The following C21orf58 variants were observed in gnomAD, a reference collection of about 807,000 sequenced individuals.
The protein encoded by C21orf58 is chromosome 21 open reading frame 58.
Under a neutral mutation model 35.8 loss-of-function variants are expected in C21orf58, and 34 were observed. The ratio of observed to expected loss-of-function variants is 0.95; its 90% CI spans 0.72 to 1.26. C21orf58 has a LOEUF of 1.26. Ranked by LOEUF, C21orf58 falls within the 50% of genes most tolerant of loss-of-function variation. C21orf58 has a pLI of 0.00. For synonymous variants in C21orf58, 191 were observed against 175.8 expected, an observed-to-expected ratio of 1.09 and a Z score of -0.68; for missense variants, 440 against 414.3, an observed-to-expected ratio of 1.06 and a Z score of -0.54.
rs2146156032 is a variant in C21orf58, at chr21:46,322,858, T to G, written c.-120A>C. Reference sequence around the variant, plus strand: ...TGCAGTTGCTGAGGAGGCTGCAAGGTGAGCTTGCGTCAGCGAGGAGCCACT... The same window carrying G: ...TGCAGTTGCTGAGGAGGCTGCAAGGGGAGCTTGCGTCAGCGAGGAGCCACT... On this transcript the variant is annotated 5_prime_UTR_variant, in exon 1 of 8. Coordinates refer to ENST00000291691, the MANE Select transcript of C21orf58 (RefSeq NM_058180.5). The G allele has an allele frequency of 1.6e-6, 1 of 644,104 alleles. No individual in the cohort carries two copies. Among genetic ancestry groups the G allele is most frequent in the East Asian group, 3.2e-5 (1 of 30,824 alleles). 39.9% of individuals were successfully genotyped at this position (644,104 alleles called of 1,614,324 possible).
chr21:46,319,020 G>A (rs1171043079), intron 1 of C21orf58: 1 of 184,278 alleles, frequency 5.4e-6, no homozygotes, highest in Non-Finnish European at 1.0e-5. Context: ...CCAGGAACTT[G>A]CCTCAGTGGC....
chr21:46,305,028 C>A (rs1302445390), intron 6 of C21orf58, among the ~76,000 whole-genome samples: 1 of 151,984 alleles, frequency 6.6e-6, no homozygotes, highest in Non-Finnish European at 1.5e-5. Flanking sequence ...GAACACAGGA[C>A]GGTGGTTGCC....
intron 1 of C21orf58, chr21:46,318,768 C>T (rs2083066179): frequency 1.0e-6 from 1 of 991,094 alleles, no homozygotes. Flanking sequence ...AGGGGGTGCC[C>T]AGGGGATATG....
At position 46,315,524 on chromosome 21, in the gene C21orf58, C is replaced by T. The variant is rs1019994009; in HGVS notation, c.394G>A (p.Ala132Thr). 1 of 1,612,074 alleles carries T rather than the reference C, an allele frequency of 6.2e-7. No homozygotes were observed. The highest frequency in any genetic ancestry group is 1.7e-5 in the Admixed American group (1 of 60,010). ...EPGNEDRPDD[A>T]LQTALKRRRD... ...CTTCTCTTCAGAGCAGTCTGCAGGGCATCGTCCGGCCGGTCCTCATTTCCT... is the reference window on the plus strand; with the variant it reads ...CTTCTCTTCAGAGCAGTCTGCAGGGTATCGTCCGGCCGGTCCTCATTTCCT... The change falls in exon 4 of 8, where the codon GCC becomes ACC. Residue 132 changes from alanine (A) to threonine (T), a missense_variant. Coordinates refer to ENST00000291691, the MANE Select transcript of C21orf58 (RefSeq NM_058180.5).
chr21:46,301,393 T>A lies in C21orf58; in HGVS notation c.*606A>T, dbSNP rs1471812428. 1.3e-6 allele frequency: 1 copy of A among 774,974 alleles called. No homozygotes were observed. Among genetic ancestry groups the A allele is most frequent in the African/African-American group, 1.9e-5 (1 of 52,972 alleles). 48.0% of individuals were successfully genotyped at this position (774,974 alleles called of 1,614,324 possible). ...AATTCCTGAGCTCAAGTGATCCTCCTGCCTCAGCCTCTTAAAGTGCTGGGA... is the reference window on the plus strand; with the variant it reads ...AATTCCTGAGCTCAAGTGATCCTCCAGCCTCAGCCTCTTAAAGTGCTGGGA... On this transcript the variant is annotated 3_prime_UTR_variant, in exon 8 of 8. Coordinates refer to ENST00000291691, the MANE Select transcript of C21orf58 (RefSeq NM_058180.5).
intron 5 of C21orf58, among the ~76,000 whole-genome samples, chr21:46,313,452 G>T (rs564118117): frequency 6.6e-6 from 1 of 152,184 alleles, no homozygotes; most frequent in African/African-American, 2.4e-5. Flanking sequence ...TACCTCAGGG[G>T]CTCTGAGTCC....
chr21:46,302,585 A>C lies in C21orf58; in HGVS notation c.722-9T>G. 6.2e-7 allele frequency: 1 copy of C among 1,606,362 alleles called. No individual in the cohort carries two copies. ...CAGCAGCTCCACCATGTCTGCAGGG[A>C]AGAAGCAGGGGGACCCTGAATAAAG... On this transcript the variant is annotated splice_polypyrimidine_tract_variant and intron_variant, in intron 6 of 7. Coordinates refer to ENST00000291691, the MANE Select transcript of C21orf58 (RefSeq NM_058180.5).
intron 6 of C21orf58, among the ~76,000 whole-genome samples, chr21:46,310,893 G>C (rs1464771739): frequency 6.6e-6 from 1 of 151,836 alleles, no homozygotes; most frequent in Non-Finnish European, 1.5e-5. Flanking sequence ...TTTTGAGACA[G>C]AGTCTCACTC....
intron 6 of C21orf58, 104 bp from the exon 7 acceptor site, chr21:46,302,680 G>A (rs2082166108): frequency 1.1e-6 from 1 of 902,280 alleles, no homozygotes; most frequent in Non-Finnish European, 1.7e-6. Flanking sequence ...TCTGTACACT[G>A]TGCAGGTCCC....
Position 46,317,776 on chromosome 21 carries a change from G to A in C21orf58, c.309+236C>T, listed in dbSNP as rs182161808. 4.5e-4 allele frequency among the ~76,000 whole-genome samples: 69 copies of A among 152,350 alleles called. No individual in the cohort carries two copies. In the East Asian group the frequency reaches 7.0e-3, roughly 15 times the overall value. On this transcript the variant is annotated intron_variant, in intron 2 of 7. Coordinates refer to ENST00000291691, the MANE Select transcript of C21orf58 (RefSeq NM_058180.5). ...GGGTGCAGAGGTGCCCCCAGGCACCGAGGCTCCCCAGACCCTGTGCTCAGT... is the reference window on the plus strand; with the variant it reads ...GGGTGCAGAGGTGCCCCCAGGCACCAAGGCTCCCCAGACCCTGTGCTCAGT...
intron 3 of C21orf58, 59 bp from the exon 4 acceptor site, chr21:46,315,606 C>T: frequency 8.8e-7 from 1 of 1,131,614 alleles, no homozygotes; most frequent in Non-Finnish European, 1.3e-6. Flanking sequence ...GCTGCAAGCA[C>T]TCGGACTGGA....
At position 46,323,738 on chromosome 21, in the gene C21orf58, A is replaced by T. The variant is rs2083255446; in HGVS notation, c.-1000T>A. 1 of 215,064 alleles carries T rather than the reference A, an allele frequency of 4.6e-6. No individual in the cohort carries two copies. The highest frequency in any genetic ancestry group is 9.5e-6 in the Non-Finnish European group (1 of 105,384). The allele number at this position is 215,064 out of a possible 1,614,324, so 13.3% of individuals were successfully genotyped here. On this transcript the variant is annotated 5_prime_UTR_variant, in exon 1 of 8. Transcript: ENST00000291691. ...ACGACTAATGCCTGAGCGGGAGAAA[A>T]CGGCCTGGCCCTGTCCGGGTGGTTG...
intron 5 of C21orf58, among the ~76,000 whole-genome samples, chr21:46,314,250 G>T (rs1189110880): frequency 6.6e-6 from 1 of 151,596 alleles, no homozygotes; most frequent in East Asian, 1.9e-4. Flanking sequence ...GCTAATTTTT[G>T]TATTTTTAGT....
At chr21:46,306,061 C>T (rs2082403367) in intron 6 of C21orf58, among the ~76,000 whole-genome samples, 1 of 125,720 alleles carries the variant, frequency 8.0e-6, no homozygotes, top group Non-Finnish European at 1.8e-5. Flanking sequence ...TATAGCAACA[C>T]TGTGACTCAA....
At chr21:46,309,170 T>G (rs117545337) in intron 6 of C21orf58, among the ~76,000 whole-genome samples, 6,918 of 151,454 alleles carry the variant, frequency 0.046, 227 homozygotes, top group Non-Finnish European at 0.067. Context: ...AATGCAAAAA[T>G]TAACCGAAGG....
intron 1 of C21orf58, 196 bp from the exon 2 acceptor site, chr21:46,318,416 A>T: frequency 7.0e-7 from 1 of 1,428,196 alleles, no homozygotes; most frequent in Non-Finnish European, 9.1e-7. Context: ...GCTGGGCTTC[A>T]TGGGAAGGCA....
At chr21:46,308,094 A>AGT (rs956001018) in intron 6 of C21orf58, among the ~76,000 whole-genome samples, 8 of 152,078 alleles carry the variant, frequency 5.3e-5, no homozygotes, top group Admixed American at 1.3e-4. Flanking sequence ...CCTGGGTTCA[A>AGT]GTGATTCTCC....
At chr21:46,316,838 G>A (rs939780285) in intron 3 of C21orf58, among the ~76,000 whole-genome samples, 4 of 152,198 alleles carry the variant, frequency 2.6e-5, no homozygotes, top group South Asian at 2.1e-4. Flanking sequence ...GGACGTCCCC[G>A]GGTAACAGTG....
At chr21:46,318,314 C>A in intron 1 of C21orf58, 94 bp from the exon 2 acceptor site, 1 of 1,537,852 alleles carries the variant, frequency 6.5e-7, no homozygotes, top group Non-Finnish European at 8.7e-7. Context: ...GTGACAGTTG[C>A]CAGGCTGCCA....
Sources: gnomAD v4.1 joint callset for allele counts (sites outside exome capture counted in the v4.1 genomes callset) on GRCh38, gnomAD v4.1.1 for gene constraint, MANE v1.5 for transcripts, NCBI Gene and HGNC (gene_info 2026-07-23, HGNC 2026-07-21) for gene names.